Variants in RRAGD observed in about 807,000 individuals in gnomAD.
RRAGD encodes ras-related GTP-binding protein D.
A neutral mutation model predicts 35.5 loss-of-function variants in RRAGD; 12 were observed. That is an observed-to-expected ratio of 0.34 (90% CI 0.22 to 0.55). RRAGD has a LOEUF of 0.55. Among genes scored for constraint, RRAGD ranks in the 20% least tolerant of loss-of-function variants. RRAGD has a pLI of 0.91. For missense variants in RRAGD, 324 were observed against 490.1 expected, an observed-to-expected ratio of 0.66 and a Z score of 3.20; for synonymous variants, 155 against 178.9, an observed-to-expected ratio of 0.87 and a Z score of 1.07.
chr6:89,403,308 G>A (rs9294435), intron 1 of RRAGD, among the ~76,000 whole-genome samples: 38,977 of 151,860 alleles, frequency 0.26, 5,485 homozygotes, highest in African/African-American at 0.36. Flanking sequence ...AGCTGGGCAT[G>A]GTGGCGGGCG....
chr6:89,377,053 G>C (rs371136592), intron 5 of RRAGD, among the ~76,000 whole-genome samples: 12 of 152,156 alleles, frequency 7.9e-5, no homozygotes, highest in African/African-American at 2.4e-4. Flanking sequence ...TTAATAAATA[G>C]TAAATATATT....
Position 89,411,766 on chromosome 6 carries a change from C to T in RRAGD, c.148+80G>A. ...GGACCCCCTCCAAGTCGGTGGCTCG[C>T]GCACGGCCGGGCTGGGGGCGGGAAG... On this transcript the variant is annotated intron_variant, in intron 1 of 6. Transcript: ENST00000369415. This position sits in a 1 kb window ranked among gnomAD's most constrained non-coding sequence, Gnocchi z 5.6. 1 of 1,450,740 alleles carries T rather than the reference C, an allele frequency of 6.9e-7. No homozygotes were observed. Among genetic ancestry groups the T allele is most frequent in the East Asian group, 2.7e-5 (1 of 37,184 alleles). 89.9% of individuals were successfully genotyped at this position (1,450,740 alleles called of 1,614,324 possible).
rs780733386 is a variant in RRAGD, at chr6:89,368,073, G to A, written c.1186C>T (p.Pro396Ser). Residue 396 changes from proline to serine, a missense_variant, in exon 7 of 7, where the codon CCT (proline) becomes TCT (serine). Around this residue, in one of 5 missense-constraint regions of RRAGD, gnomAD observed 68 missense variants for 76.8 expected, o/e 0.89. Transcript: ENST00000369415. Reference sequence around the variant, plus strand: ...AACCTCACCTACAGCAGCACTCTAGGGGTCCCATTAGGGGTGGCTCTCTTT... The same window carrying A: ...AACCTCACCTACAGCAGCACTCTAGAGGTCCCATTAGGGGTGGCTCTCTTT... The part of the protein sequence containing the change: ...KKKRATPNGT[P>S]RVLL The A allele has an allele frequency of 2.5e-5, 40 of 1,612,434 alleles. No homozygotes were observed. The Middle Eastern group carries it at 6.6e-4, about 27-fold the overall frequency.
intron 1 of RRAGD, among the ~76,000 whole-genome samples, chr6:89,408,267 C>T (rs940056502): frequency 1.3e-5 from 2 of 152,208 alleles, no homozygotes; most frequent in Non-Finnish European, 2.9e-5. Context: ...CCCCTGGTAT[C>T]TCTGAGCCAT....
intron 1 of RRAGD, among the ~76,000 whole-genome samples, chr6:89,405,368 A>C (rs1769558573): frequency 1.3e-5 from 2 of 151,476 alleles, no homozygotes; most frequent in Non-Finnish European, 2.9e-5. Context: ...AAAAAAAAAA[A>C]AAAAAAAGAG....
chr6:89,399,536 C>T (rs1475242154), intron 1 of RRAGD, among the ~76,000 whole-genome samples: 1 of 152,116 alleles, frequency 6.6e-6, no homozygotes, highest in African/African-American at 2.4e-5. Context: ...CTTTGAGAGG[C>T]CAAGGAGGGC....
chr6:89,386,343 A>G (rs976720989), intron 2 of RRAGD, among the ~76,000 whole-genome samples: 1 of 152,014 alleles, frequency 6.6e-6, no homozygotes, highest in African/African-American at 2.4e-5. Flanking sequence ...TCCCCTTTAC[A>G]CCAACTACAG....
intron 1 of RRAGD, among the ~76,000 whole-genome samples, chr6:89,393,104 T>C (rs184410519): frequency 6.6e-6 from 1 of 152,358 alleles, no homozygotes; most frequent in Non-Finnish European, 1.5e-5. Context: ...ACAGATAACA[T>C]GTTCATCTTC....
At chr6:89,409,043 A>C (rs1470763692) in intron 1 of RRAGD, among the ~76,000 whole-genome samples, 1 of 152,194 alleles carries the variant, frequency 6.6e-6, no homozygotes, top group Non-Finnish European at 1.5e-5. Flanking sequence ...TTTGCTATTC[A>C]TGAATAAAAT....
intron 1 of RRAGD, among the ~76,000 whole-genome samples, chr6:89,399,105 A>G (rs1228601025): frequency 2.0e-5 from 3 of 152,234 alleles, no homozygotes; most frequent in Admixed American, 2.0e-4. Context: ...ATATGGGCGT[A>G]GATTTTAATG....
At chr6:89,398,145 C>CA (rs545244953) in intron 1 of RRAGD, among the ~76,000 whole-genome samples, 261 of 122,236 alleles carry the variant, frequency 2.1e-3, no homozygotes, top group African/African-American at 6.2e-3. Flanking sequence ...AACTCCATCT[C>CA]AAAAAAAAAA....
intron 1 of RRAGD, among the ~76,000 whole-genome samples, chr6:89,394,835 G>C (rs1769303088): frequency 6.6e-6 from 1 of 151,782 alleles, no homozygotes; most frequent in Admixed American, 6.6e-5. Context: ...GAATTTAGGA[G>C]GATCATGAAA....
intron 5 of RRAGD, among the ~76,000 whole-genome samples, chr6:89,373,567 G>A (rs1045248517): frequency 4.0e-5 from 6 of 149,334 alleles, no homozygotes; most frequent in Admixed American, 1.3e-4. Flanking sequence ...GCCGTGAGCC[G>A]AGATTGTGCC....
chr6:89,411,879 C>G lies in RRAGD; in HGVS notation c.115G>C (p.Asp39His). 6.5e-7 allele frequency: 1 copy of G among 1,547,880 alleles called. No individual in the cohort carries two copies. Among genetic ancestry groups the G allele is most frequent in the Non-Finnish European group, 8.7e-7 (1 of 1,149,098 alleles). ...TCTGTGCCGCTGTCCGGATCGGCGTCGGAGGAGTCGGGCCCGTCTCCGTAG... is the reference window on the plus strand; with the variant it reads ...TCTGTGCCGCTGTCCGGATCGGCGTGGGAGGAGTCGGGCCCGTCTCCGTAG... ...ADYGDGPDSS[D>H]ADPDSGTEEG... Residue 39 changes from aspartate (D) to histidine (H), a missense_variant, in exon 1 of 7, where the codon GAC (aspartate) becomes CAC (histidine). Coordinates refer to ENST00000369415, the MANE Select transcript of RRAGD (RefSeq NM_021244.5). The surrounding 1 kb of genome is among the most constrained non-coding windows in gnomAD (Gnocchi z 5.6).
Position 89,365,645 on chromosome 6 carries a change from T to TA in RRAGD, c.*2410dup, listed in dbSNP as rs1341447712. The TA allele has an allele frequency of 6.6e-6, 1 of 152,188 alleles. No homozygotes were observed. The highest frequency in any genetic ancestry group is 2.4e-5 in the African/African-American group (1 of 41,438). 9.4% of individuals were successfully genotyped at this position (152,188 alleles called of 1,614,324 possible). ...CGTGTGATTAATCAAAGAGTACACT[T>TA]ACTACCATGAACTTGGGCCCTATGT... On this transcript the variant is annotated 3_prime_UTR_variant, in exon 7 of 7. Coordinates refer to ENST00000369415, the MANE Select transcript of RRAGD (RefSeq NM_021244.5).
In RRAGD at chr6:89,411,935, T is replaced by A; in HGVS notation, c.59A>T (p.Glu20Val). The part of the protein sequence containing the change: ...PQDEDDAEEE[E>V]EEDELVGLAD... ...TAGCCCCACCAGCTCATCCTCCTCC[T>A]CCTCCTCCTCCGCGTCGTCCTCGTC... Residue 20 changes from glutamate (E) to valine (V), a missense_variant, in exon 1 of 7, where the codon GAG (glutamate) becomes GTG (valine). Glu to Val is a moderately radical substitution (Grantham distance 121). Coordinates refer to ENST00000369415, the MANE Select transcript of RRAGD (RefSeq NM_021244.5). This position sits in a 1 kb window ranked among gnomAD's most constrained non-coding sequence, Gnocchi z 5.6. The A allele has an allele frequency of 6.5e-7, 1 of 1,541,062 alleles. No homozygotes were observed.
intron 1 of RRAGD, among the ~76,000 whole-genome samples, chr6:89,403,168 G>A (rs1252727620): frequency 6.6e-6 from 1 of 152,308 alleles, no homozygotes; most frequent in Admixed American, 6.5e-5. Flanking sequence ...TCGGCCGGGC[G>A]CGGTGGCTCA....
At chr6:89,402,343 G>A (rs985566945) in intron 1 of RRAGD, among the ~76,000 whole-genome samples, 1 of 152,104 alleles carries the variant, frequency 6.6e-6, no homozygotes, top group African/African-American at 2.4e-5. Context: ...ACTGAGCCCG[G>A]CCTGGAAATC....
chr6:89,387,645 A>G, intron 1 of RRAGD, 55 bp from the exon 2 acceptor site: 1 of 1,496,952 alleles, frequency 6.7e-7, no homozygotes, highest in Admixed American at 2.0e-5. Context: ...GAGGTTAATT[A>G]GAGGAGTTTC....
Sources: allele counts gnomAD v4.1 joint callset (sites outside exome capture counted in the v4.1 genomes callset), GRCh38; gene constraint gnomAD v4.1.1; regional missense constraint gnomAD v4.1.1; non-coding constraint Gnocchi (gnomAD v3.1); transcripts MANE v1.5; gene names NCBI Gene and HGNC (gene_info 2026-07-23, HGNC 2026-07-21).